Variants in SOX13 observed in about 807,000 individuals in gnomAD.
The protein encoded by SOX13 is transcription factor SOX-13.
Under a neutral mutation model 71.8 loss-of-function variants are expected in SOX13, and 28 were observed. The observed-to-expected ratio is 0.39, with a 90% CI of 0.29 to 0.53. SOX13 has a LOEUF of 0.53. Ranked by LOEUF, SOX13 falls within the 20% of genes least tolerant of loss-of-function variation. The pLI is 0.70. For synonymous variants in SOX13, 309 were observed against 317.8 expected, an observed-to-expected ratio of 0.97 and a Z score of 0.29; for missense variants, 627 against 810.3, an observed-to-expected ratio of 0.77 and a Z score of 2.75.
intron 1 of SOX13, among the ~76,000 whole-genome samples, chr1:204,076,955 T>G (rs922966311): frequency 3.3e-5 from 5 of 152,178 alleles, no homozygotes; most frequent in Non-Finnish European, 7.3e-5. Context: ...GTAAATACTT[T>G]TAAGTAACCA....
intron 1 of SOX13, among the ~76,000 whole-genome samples, chr1:204,094,672 G>T (rs6662933): frequency 0.2 from 30,772 of 152,074 alleles, 3,461 homozygotes; most frequent in African/African-American, 0.28. Flanking sequence ...CCCTTGGGGC[G>T]GGCTGCCATC....
intron 1 of SOX13, among the ~76,000 whole-genome samples, chr1:204,080,516 G>A (rs557916265): frequency 7.2e-5 from 11 of 152,102 alleles, no homozygotes; most frequent in South Asian, 2.1e-4. Context: ...GAGGAGGCCC[G>A]ACTGTTCTCC....
Position 204,126,473 on chromosome 1 carries a change from G to T in SOX13, c.*339G>T. 1 of 316,076 alleles carries T rather than the reference G, an allele frequency of 3.2e-6. No individual in the cohort carries two copies. 19.6% of individuals were successfully genotyped at this position (316,076 alleles called of 1,614,324 possible). On this transcript the variant is annotated 3_prime_UTR_variant, in exon 14 of 14. Coordinates refer to ENST00000367204, the MANE Select transcript of SOX13 (RefSeq NM_005686.3). ...ATGGCATCTACCGACCTGTCTCCCT[G>T]GGGTCACATGCTTTGTTTCCATTCT...
intron 1 of SOX13, among the ~76,000 whole-genome samples, chr1:204,091,721 T>TGTGTGC (rs1221344603): frequency 1.6e-5 from 2 of 126,976 alleles, no homozygotes; most frequent in African/African-American, 2.9e-5. Flanking sequence ...TCGTTTTCTT[T>TGTGTGC]GTGTGCGTGT....
chr1:204,118,509 C>T (rs1350446569), intron 7 of SOX13: 2 of 151,996 alleles, frequency 1.3e-5, no homozygotes, highest in Non-Finnish European at 2.9e-5. Flanking sequence ...TGCAGGTGCA[C>T]ACCACCATAC....
At chr1:204,124,893 T>G in intron 13 of SOX13, 36 bp downstream of exon 13, 1 of 1,432,146 alleles carries the variant, frequency 7.0e-7, no homozygotes, top group Non-Finnish European at 9.6e-7. Context: ...CAGGAGACTG[T>G]GTGTACATGT....
chr1:204,083,678 T>G (rs1336510040), intron 1 of SOX13, among the ~76,000 whole-genome samples: 2 of 151,394 alleles, frequency 1.3e-5, no homozygotes, highest in African/African-American at 4.9e-5. Context: ...GGAGATGGAG[T>G]GGATGTTGGG....
At chr1:204,076,976 A>C (rs752642004) in intron 1 of SOX13, among the ~76,000 whole-genome samples, 1 of 152,248 alleles carries the variant, frequency 6.6e-6, no homozygotes, top group African/African-American at 2.4e-5. Flanking sequence ...AGACTATCAG[A>C]TTATGACATG....
chr1:204,082,296 G>T (rs892136341), intron 1 of SOX13, among the ~76,000 whole-genome samples: 1 of 152,028 alleles, frequency 6.6e-6, no homozygotes, highest in African/African-American at 2.4e-5. Flanking sequence ...CTGTGCTCTG[G>T]AGACCCTGGC....
intron 1 of SOX13, among the ~76,000 whole-genome samples, chr1:204,110,384 C>G (rs917606160): frequency 6.8e-6 from 1 of 147,608 alleles, no homozygotes; most frequent in Non-Finnish European, 1.5e-5. Context: ...AAAAAAAATA[C>G]AATACTCCTG....
At chr1:204,104,859 G>C (rs993410527) in intron 1 of SOX13, among the ~76,000 whole-genome samples, 1 of 151,584 alleles carries the variant, frequency 6.6e-6, no homozygotes, top group African/African-American at 2.4e-5. Flanking sequence ...GTGGGGGAAG[G>C]CTGTCGTTGT....
At chr1:204,102,055 G>A (rs886825739) in intron 1 of SOX13, among the ~76,000 whole-genome samples, 1 of 152,196 alleles carries the variant, frequency 6.6e-6, no homozygotes, top group Admixed American at 6.5e-5. Context: ...TAGTTAAGAC[G>A]GATGCTGGGT....
intron 6 of SOX13, 95 bp from the exon 7 acceptor site, chr1:204,117,498 C>T: frequency 1.3e-6 from 1 of 793,340 alleles, no homozygotes; most frequent in South Asian, 1.7e-5. Flanking sequence ...CCCTGTGCCT[C>T]TTGTCCATGG....
chr1:204,122,161 C>G, intron 8 of SOX13, 76 bp from the exon 9 acceptor site: 1 of 1,307,712 alleles, frequency 7.6e-7, no homozygotes, highest in Non-Finnish European at 1.1e-6. Context: ...GGTATGCTCA[C>G]CTCACTTCCT....
intron 7 of SOX13, chr1:204,119,683 C>T (rs190625423): frequency 1.1e-4 from 17 of 152,320 alleles, no homozygotes; most frequent in African/African-American, 3.9e-4. Flanking sequence ...GTTCCAGCAT[C>T]AGTTCAAAAG....
chr1:204,073,444 G>A lies in SOX13; in HGVS notation c.-269G>A. 6.6e-6 allele frequency: 1 copy of A among 152,150 alleles called. No homozygotes were observed. Among genetic ancestry groups the A allele is most frequent in the Non-Finnish European group, 1.5e-5 (1 of 68,010 alleles). 9.4% of individuals were successfully genotyped at this position (152,150 alleles called of 1,614,324 possible). ...AGCGGCCTGGCTCGGCGGAGAGGGC[G>A]CCGCCCGGCCGGAACCAAGCTCGCC... is the stretch of plus-strand genomic sequence containing the variant. On this transcript the variant is annotated 5_prime_UTR_variant, in exon 1 of 14. Transcript: ENST00000367204. The surrounding 1 kb of genome is among the most constrained non-coding windows in gnomAD (Gnocchi z 6.8).
intron 1 of SOX13, among the ~76,000 whole-genome samples, chr1:204,102,113 A>T (rs77260142): frequency 1.3e-5 from 2 of 152,184 alleles, no homozygotes; most frequent in African/African-American, 4.8e-5. Flanking sequence ...ACCATGTACT[A>T]TGAGGGCTTA....
At chr1:204,087,409 T>C (rs1430999373) in intron 1 of SOX13, among the ~76,000 whole-genome samples, 1 of 152,208 alleles carries the variant, frequency 6.6e-6, no homozygotes, top group Non-Finnish European at 1.5e-5. Context: ...TTCCAGGACC[T>C]TCCTGTAGCT....
chr1:204,098,531 C>T (rs1400309888), intron 1 of SOX13, among the ~76,000 whole-genome samples: 2 of 152,150 alleles, frequency 1.3e-5, no homozygotes, highest in Non-Finnish European at 2.9e-5. Context: ...CTACAGTAAG[C>T]ACACACTCCT....
Sources: gnomAD v4.1 joint callset for allele counts (sites outside exome capture counted in the v4.1 genomes callset) on GRCh38, gnomAD v4.1.1 for gene constraint, Gnocchi (gnomAD v3.1) non-coding constraint, MANE v1.5 for transcripts, NCBI Gene and HGNC (gene_info 2026-07-23, HGNC 2026-07-21) for gene names.